The following TH variants were observed in gnomAD, a reference collection of about 807,000 sequenced individuals.
TH encodes tyrosine hydroxylase.
A neutral mutation model predicts 57.4 loss-of-function variants in TH; 49 were observed. The ratio of observed to expected loss-of-function variants is 0.85; its 90% confidence interval spans 0.68 to 1.08. TH has a LOEUF of 1.08. TH is among the 50% of genes least tolerant of loss of function. The pLI is 0.00. For synonymous variants in TH, 330 were observed against 304.5 expected, an observed-to-expected ratio of 1.08 and a Z score of -0.87; for missense variants, 720 against 696.7, an observed-to-expected ratio of 1.03 and a Z score of -0.38.
Position 2,166,550 on chromosome 11 carries a change from C to T in TH, c.978-1G>A. ...CCCCAGCAGCTCGTGGCAGCAGTCC[C>T]TGCGCGTAGGAGGGAGAAGGGGGCT... On this transcript the variant is annotated splice_acceptor_variant, in intron 8 of 12. Coordinates refer to ENST00000352909, the MANE Select transcript of TH (RefSeq NM_000360.4). LOFTEE classifies it high-confidence loss of function. 6.2e-7 allele frequency: 1 copy of T among 1,601,634 alleles called. No homozygotes were observed. The highest frequency in any genetic ancestry group is 8.5e-7 in the Non-Finnish European group (1 of 1,176,292).
intron 2 of TH, 34 bp downstream of exon 2, chr11:2,169,616 A>G (rs1846196754): frequency 6.8e-6 from 11 of 1,606,618 alleles, no homozygotes; most frequent in Non-Finnish European, 9.4e-6. Flanking sequence ...CCACAGGTGA[A>G]CTTGCCCCAG....
chr11:2,166,341 A>G, intron 9 of TH, 139 bp downstream of exon 9: 2 of 1,201,152 alleles, frequency 1.7e-6, no homozygotes, highest in Non-Finnish European at 2.3e-6. Context: ...ATGCCGCGCG[A>G]CCCTCGGGGC....
rs1247978970 is a variant in TH at position 2,171,498 on chromosome 11, C to T, written c.90+199G>A. On this transcript the variant is annotated intron_variant, in intron 1 of 12. Coordinates refer to ENST00000352909, the MANE Select transcript of TH (RefSeq NM_000360.4). The surrounding 1 kb of genome is among the most constrained non-coding windows in gnomAD (Gnocchi z 8.6). ...ACACACAGGGACAGGCATCACCTCA[C>T]CCTCCCCCAACAGGGACTCAAACAC... 3.9e-5 allele frequency among the ~76,000 whole-genome samples: 6 copies of T among 151,950 alleles called. No homozygotes were observed. Among genetic ancestry groups the T allele is most frequent in the Non-Finnish European group, 8.8e-5 (6 of 67,966 alleles).
In TH at chr11:2,171,593, C is replaced by G. The variant is rs551923533; in HGVS notation, c.90+104G>C. On this transcript the variant is annotated intron_variant, in intron 1 of 12. Transcript: ENST00000352909. The surrounding 1 kb of genome is among the most constrained non-coding windows in gnomAD (Gnocchi z 8.6). ...CGCGTCCCAGGGGTTTGCATGGACC[C>G]TGAGCCTGGGGCTGCCAGCCAGGCT... 261 of 1,327,544 alleles carry G rather than the reference C, an allele frequency of 2.0e-4. 2 individuals are homozygous for G. In the African/African-American group the frequency reaches 3.6e-3, roughly 18 times the overall value. 82.2% of individuals were successfully genotyped at this position (1,327,544 alleles called of 1,614,324 possible).
rs528061601 is a variant in TH, at chr11:2,170,247, C to T, written c.91-376G>A. ...GCGATGTCTTGATGGACAGTGGCAT[C>T]GGCTGCCGGGGAGGGAACGGCAGCT... On this transcript the variant is annotated intron_variant, in intron 1 of 12. Transcript: ENST00000352909. This position sits in a 1 kb window ranked among gnomAD's most constrained non-coding sequence, Gnocchi z 6.0. 1.1e-3 allele frequency among the ~76,000 whole-genome samples: 166 copies of T among 152,236 alleles called. No individual in the cohort carries two copies. Among genetic ancestry groups the T allele is most frequent in the Non-Finnish European group, 1.6e-3 (110 of 68,006 alleles).
chr11:2,167,514 C>A, intron 5 of TH, 29 bp from the exon 6 acceptor site: 1 of 1,551,936 alleles, frequency 6.4e-7, no homozygotes, highest in South Asian at 1.2e-5. Flanking sequence ...GTCAGCAGGT[C>A]CCCTCGGGGA....
At chr11:2,169,449 G>T (rs1235073802) in intron 2 of TH, among the ~76,000 whole-genome samples, 1 of 152,130 alleles carries the variant, frequency 6.6e-6, no homozygotes, top group Non-Finnish European at 1.5e-5. Flanking sequence ...CTAGGGGTGG[G>T]CTCAGGATCC....
At position 2,164,341 on chromosome 11, in the gene TH, G is replaced by A; in HGVS notation, c.1386C>T (p.Tyr462=). The A allele has an allele frequency of 6.5e-7, 1 of 1,546,820 alleles. No homozygotes were observed. The highest frequency in any genetic ancestry group is 1.2e-5 in the South Asian group (1 of 83,054). The change falls in exon 13 of 13, where the codon TAC becomes TAT. Residue 462 remains tyrosine (Y), a synonymous_variant. Transcript: ENST00000352909. The stretch of plus-strand genomic sequence containing the variant: ...TGTCCAGCACGTCGATGGCCAGCGT[G>A]TACGGGTCGAACTTCACGGAGAAGG... ...QRPFSVKFDP[Y]TLAIDVLDSP...
In TH at chr11:2,168,602, G is replaced by A. The variant is rs1333599191; in HGVS notation, c.376C>T (p.Pro126Ser). The change falls in exon 3 of 13, where the codon CCC becomes TCC. Residue 126 changes from proline (P) to serine (S), a missense_variant. Transcript: ENST00000352909. ...RPAQRPRAGG[P>S]HLEYFVRLEV... is the part of the protein sequence containing the mutation. ...AGGCGCACGAAGTACTCCAGGTGGGGGCCCCCAGCTCGCGGCCTCTGGGCG... is the reference window on the plus strand; with the variant it reads ...AGGCGCACGAAGTACTCCAGGTGGGAGCCCCCAGCTCGCGGCCTCTGGGCG... The A allele has an allele frequency of 6.2e-7, 1 of 1,611,998 alleles. No homozygotes were observed. Among genetic ancestry groups the A allele is most frequent in the East Asian group, 2.2e-5 (1 of 44,836 alleles).
In TH at chr11:2,169,862, A is replaced by G; in HGVS notation, c.100T>C (p.Phe34Leu). 6.2e-7 allele frequency: 1 copy of G among 1,609,082 alleles called. No individual in the cohort carries two copies. The highest frequency in any genetic ancestry group is 8.5e-7 in the Non-Finnish European group (1 of 1,179,254). Residue 34 changes from phenylalanine (F) to leucine (L), a missense_variant, in exon 2 of 13, where the codon TTC becomes CTC. Coordinates refer to ENST00000352909, the MANE Select transcript of TH (RefSeq NM_000360.4). ...ATGAGGCTCTGCCTGCGCCCAATGA[A>G]CCGCGGGGACTGTGGGGACAAGGGG... Reference protein sequence around the residue: ...KQAEAIMSPRFIGRRQSLIED... With the variant: ...KQAEAIMSPRLIGRRQSLIED...
At position 2,169,728 on chromosome 11, in the gene TH, C is replaced by CCCCT; in HGVS notation, c.230_233dup (p.Lys79GlyfsTer27). 1 of 1,613,016 alleles carries CCCCT rather than the reference C, an allele frequency of 6.2e-7. No individual in the cohort carries two copies. ...AGAAGAGCAGGTTTAGCACGGCCTT[C>CCCCT]CCCTCCTTCTCCTCAAAGGCCACAG... On this transcript the variant is annotated frameshift_variant, in exon 2 of 13. Coordinates refer to ENST00000352909, the MANE Select transcript of TH (RefSeq NM_000360.4). LOFTEE classifies it high-confidence loss of function.
chr11:2,170,798 CTGG>C lies in TH; in HGVS notation c.90+896_90+898del. ...GGGGAGGGGATGCCTGATGGGGAGC[CTGG>C]TGGGGGAGGGTAGGGGAGGGCGGGG... On this transcript the variant is annotated intron_variant, in intron 1 of 12. Coordinates refer to ENST00000352909, the MANE Select transcript of TH (RefSeq NM_000360.4). The surrounding 1 kb of genome is among the most constrained non-coding windows in gnomAD (Gnocchi z 6.0). 1 of 132,768 alleles carries C rather than the reference CTGG, an allele frequency of 7.5e-6. No homozygotes were observed. Among genetic ancestry groups the C allele is most frequent in the Non-Finnish European group, 1.1e-5 (1 of 92,428 alleles). 8.2% of individuals were successfully genotyped at this position (132,768 alleles called of 1,614,324 possible). A position where few individuals can be genotyped will look rare whatever the true frequency, so the allele number is the denominator to read the frequency against.
Position 2,171,570 on chromosome 11 carries a change from C to T in TH, c.90+127G>A, listed in dbSNP as rs550541264. The T allele has an allele frequency of 4.6e-5, 46 of 1,001,522 alleles. No homozygotes were observed. Among genetic ancestry groups the T allele is most frequent in the African/African-American group, 9.5e-5 (6 of 62,954 alleles). The allele number at this position is 1,001,522 out of a possible 1,614,324, so 62.0% of individuals were successfully genotyped here. A position where few individuals can be genotyped will look rare whatever the true frequency, so the allele number is the denominator to read the frequency against. On this transcript the variant is annotated intron_variant, in intron 1 of 12. Transcript: ENST00000352909. This position sits in a 1 kb window ranked among gnomAD's most constrained non-coding sequence, Gnocchi z 8.6. ...TGCCCAGGCCTCCACATCCACGCCG[C>T]GTCCCAGGGGTTTGCATGGACCCTG...
rs772662823 is a variant in TH at position 2,168,677 on chromosome 11, A to G, written c.313-12T>C. 3 of 1,453,208 alleles carry G rather than the reference A, an allele frequency of 2.1e-6. No homozygotes were observed. The highest frequency in any genetic ancestry group is 6.6e-5 in the East Asian group (2 of 30,286). The allele number at this position is 1,453,208 out of a possible 1,614,324, so 90.0% of individuals were successfully genotyped here. ...TTGGCTTCAAACGTCTTAGGGAGCA[A>G]AAGCAGGAAGAGAGAGAGAAGGAGA... On this transcript the variant is annotated splice_polypyrimidine_tract_variant and intron_variant, in intron 2 of 12. Transcript: ENST00000352909.
chr11:2,164,633 C>T (rs576074829), intron 12 of TH, among the ~76,000 whole-genome samples: 1 of 152,122 alleles, frequency 6.6e-6, no homozygotes, highest in Non-Finnish European at 1.5e-5. Flanking sequence ...CCATCCCTCC[C>T]TGAACCTCCA....
At chr11:2,169,526 C>T in intron 2 of TH, 124 bp downstream of exon 2, 1 of 913,498 alleles carries the variant, frequency 1.1e-6, no homozygotes, top group South Asian at 1.4e-5. Context: ...TCCCCTGCTG[C>T]ATCCTGTGCC....
Position 2,164,370 on chromosome 11 carries a change from G to A in TH, c.1357C>T (p.Arg453Cys), listed in dbSNP as rs755922032. The change falls in exon 13 of 13, where the codon CGC (arginine) becomes TGC (cysteine). Residue 453 changes from arginine to cysteine, a missense_variant. Transcript: ENST00000352909. ...GGGTCGAACTTCACGGAGAAGGGGC[G>A]CTGGATGCGTGAGGCATAGCTCCTG... ...KLRSYASRIQ[R>C]PFSVKFDPYT... The A allele has an allele frequency of 2.6e-6, 4 of 1,551,724 alleles. No homozygotes were observed. Among genetic ancestry groups the A allele is most frequent in the Middle Eastern group, 3.4e-4 (2 of 5,810 alleles).
At position 2,170,169 on chromosome 11, in the gene TH, C is replaced by G. The variant is rs1846215704; in HGVS notation, c.91-298G>C. Among the ~76,000 whole-genome samples, 1 of 152,168 alleles carries G rather than the reference C, an allele frequency of 6.6e-6. No individual in the cohort carries two copies. The highest frequency in any genetic ancestry group is 1.5e-5 in the Non-Finnish European group (1 of 68,014). ...TGTGGCGAGCAGACAGACAGAGACG[C>G]TGTGTCACTCATCCCCAGGCCAGGC... On this transcript the variant is annotated intron_variant, in intron 1 of 12. Coordinates refer to ENST00000352909, the MANE Select transcript of TH (RefSeq NM_000360.4). The surrounding 1 kb of genome is among the most constrained non-coding windows in gnomAD (Gnocchi z 6.0).
At position 2,164,361 on chromosome 11, in the gene TH, A is replaced by G; in HGVS notation, c.1366T>C (p.Ser456Pro). The change falls in exon 13 of 13, where the codon TCC (serine) becomes CCC (proline). Residue 456 changes from serine to proline, a missense_variant. Coordinates refer to ENST00000352909, the MANE Select transcript of TH (RefSeq NM_000360.4). ...SYASRIQRPF[S>P]VKFDPYTLAI... ...AGCGTGTACGGGTCGAACTTCACGG[A>G]GAAGGGGCGCTGGATGCGTGAGGCA... The G allele has an allele frequency of 6.4e-7, 1 of 1,551,650 alleles. No homozygotes were observed. Among genetic ancestry groups the G allele is most frequent in the Non-Finnish European group, 8.7e-7 (1 of 1,146,364 alleles).
Sources: allele counts gnomAD v4.1 joint callset (sites outside exome capture counted in the v4.1 genomes callset), GRCh38; gene constraint gnomAD v4.1.1; non-coding constraint Gnocchi (gnomAD v3.1); transcripts MANE v1.5; gene names NCBI Gene and HGNC (gene_info 2026-07-23, HGNC 2026-07-21).